Variants in TNFRSF9 observed in about 807,000 individuals in gnomAD.
TNFRSF9 encodes the protein TNF receptor superfamily member 9, also known as tumor necrosis factor receptor superfamily member 9.
Under a neutral mutation model 28.8 loss-of-function variants are expected in TNFRSF9, and 16 were observed. The ratio of observed to expected loss-of-function variants is 0.55; its 90% CI spans 0.38 to 0.84. The LOEUF (loss-of-function observed/expected upper bound fraction) is 0.84, where lower values mean the gene tolerates loss of function less well. Among genes scored for constraint, TNFRSF9 ranks in the 40% least tolerant of loss-of-function variants. The probability of loss-of-function intolerance (pLI) is 0.00; values close to 1 mark genes in which losing one functional copy is unlikely to be tolerated. For missense variants in TNFRSF9, 303 were observed against 315.0 expected (o/e 0.96, Z 0.29); for synonymous variants, 131 against 117.0 (o/e 1.12, Z -0.77).
chr1:7,935,019 C>G lies in TNFRSF9; in HGVS notation c.538G>C (p.Glu180Gln). Residue 180 changes from glutamate (E) to glutamine (Q), a missense_variant, in exon 6 of 8, where the codon GAG becomes CAG. Coordinates refer to ENST00000377507, the MANE Select transcript of TNFRSF9 (RefSeq NM_001561.6). ...SSVTPPAPAR[E>Q]PGHSPQIISF... ...AAAGGCATAGCCCAGTTACCTGGCT[C>G]TCTCGCAGGGGCAGGCGGGGTCACA... 6.2e-7 allele frequency: 1 copy of G among 1,614,166 alleles called. No individual in the cohort carries two copies. Among genetic ancestry groups the G allele is most frequent in the Non-Finnish European group, 8.5e-7 (1 of 1,180,004 alleles).
intron 6 of TNFRSF9, among the ~76,000 whole-genome samples, chr1:7,934,467 T>C (rs1203228144): frequency 6.6e-6 from 1 of 151,684 alleles, no homozygotes. Context: ...TCCCAGCACT[T>C]TGGGAGGCCG....
At chr1:7,934,108 G>T (rs1198225791) in intron 6 of TNFRSF9, among the ~76,000 whole-genome samples, 6 of 152,164 alleles carry the variant, frequency 3.9e-5, no homozygotes, top group Non-Finnish European at 8.8e-5. Context: ...AGGCGTGGCG[G>T]CTTATGCCTG....
intron 1 of TNFRSF9, among the ~76,000 whole-genome samples, chr1:7,940,353 T>C (rs888269921): frequency 2.6e-5 from 4 of 152,216 alleles, no homozygotes; most frequent in East Asian, 1.9e-4. Context: ...GCAAGAACTT[T>C]TGGGGACTTT....
chr1:7,932,656 C>T (rs1218829292), intron 7 of TNFRSF9, among the ~76,000 whole-genome samples: 1 of 151,796 alleles, frequency 6.6e-6, no homozygotes, highest in Non-Finnish European at 1.5e-5. Context: ...GTGTCCTCCA[C>T]ACGCACACAC....
In TNFRSF9 at chr1:7,934,486, G is replaced by A. The variant is rs138952114; in HGVS notation, c.544+527C>T. On this transcript the variant is annotated intron_variant, in intron 6 of 7. Coordinates refer to ENST00000377507, the MANE Select transcript of TNFRSF9 (RefSeq NM_001561.6). ...AGCACTTTGGGAGGCCGAGGTGGGC[G>A]GATCATGCGGTCAGGAGTTCAAGAC... Among the ~76,000 whole-genome samples, 687 of 152,150 alleles carry A rather than the reference G, an allele frequency of 4.5e-3. 7 individuals carry two copies. Among genetic ancestry groups the A allele is most frequent in the African/African-American group, 0.016 (650 of 41,530 alleles).
At chr1:7,925,374 G>T (rs552860280) in intron 7 of TNFRSF9, among the ~76,000 whole-genome samples, 32 of 152,160 alleles carry the variant, frequency 2.1e-4, no homozygotes, top group African/African-American at 7.5e-4. Context: ...ATTGAAGAAA[G>T]AGAACATTTT....
intron 7 of TNFRSF9, among the ~76,000 whole-genome samples, chr1:7,926,440 C>G (rs1400525097): frequency 1.3e-5 from 2 of 152,154 alleles, no homozygotes; most frequent in African/African-American, 4.8e-5. Flanking sequence ...ACACATTTCT[C>G]AGAACTACCC....
In TNFRSF9 at chr1:7,932,703, G is replaced by A. The variant is rs200871015; in HGVS notation, c.679+459C>T. ...CACGCACGCACGCGCACACACACAC[G>A]CACACACACACAGACACGCACACAC... On this transcript the variant is annotated intron_variant, in intron 7 of 7. Transcript: ENST00000377507. Among the ~76,000 whole-genome samples, 370 of 145,000 alleles carry A rather than the reference G, an allele frequency of 2.6e-3. 2 individuals carry two copies. Among genetic ancestry groups the A allele is most frequent in the African/African-American group, 9.2e-3 (350 of 38,026 alleles).
chr1:7,932,311 C>G (rs1557428058), intron 7 of TNFRSF9, among the ~76,000 whole-genome samples: 1 of 152,082 alleles, frequency 6.6e-6, no homozygotes, highest in Non-Finnish European at 1.5e-5. Context: ...ATGTCTCATC[C>G]TAATGTCCAT....
intron 5 of TNFRSF9, chr1:7,936,366 G>A (rs1344056073): frequency 4.5e-5 from 7 of 155,438 alleles, no homozygotes; most frequent in Non-Finnish European, 9.9e-5. Flanking sequence ...GCAGTGAGGC[G>A]AGACCGTGCC....
rs9657974 is a variant in TNFRSF9 at position 7,936,365 on chromosome 1, C to T, written c.414-1222G>A. On this transcript the variant is annotated intron_variant, in intron 5 of 7. Coordinates refer to ENST00000377507, the MANE Select transcript of TNFRSF9 (RefSeq NM_001561.6). Reference sequence around the variant, plus strand: ...CCAGGAGGCAGAGTTTGCAGTGAGGCGAGACCGTGCCATTGCACTCCAGCC... The same window carrying T: ...CCAGGAGGCAGAGTTTGCAGTGAGGTGAGACCGTGCCATTGCACTCCAGCC... The T allele has an allele frequency of 1.4e-4, 21 of 155,472 alleles. No homozygotes were observed. The South Asian group carries it at 1.8e-3, about 13-fold the overall frequency. 9.6% of individuals were successfully genotyped at this position (155,472 alleles called of 1,614,324 possible).
intron 7 of TNFRSF9, chr1:7,921,852 G>T (rs1639565186): frequency 6.6e-6 from 1 of 152,036 alleles, no homozygotes; most frequent in Non-Finnish European, 1.5e-5. Flanking sequence ...TGAATCTTAA[G>T]CATGAATCAC....
Position 7,938,812 on chromosome 1 carries a change from A to T in TNFRSF9, c.117T>A (p.Asn39Lys). ...AGGGACTGCAAATCTGATTCCTGTT[A>T]TTATCACAGAATGTACCTAAGAAAG... is the stretch of plus-strand genomic sequence containing the variant. ...SNCPAGTFCD[N>K]NRNQICSPCP... The change falls in exon 3 of 8, where the codon AAT becomes AAA. Residue 39 changes from asparagine to lysine, a missense_variant. Physicochemically the swap from Asn to Lys is moderately conservative, Grantham distance 94. Coordinates refer to ENST00000377507, the MANE Select transcript of TNFRSF9 (RefSeq NM_001561.6). 3 of 1,613,068 alleles carry T rather than the reference A, an allele frequency of 1.9e-6. No individual in the cohort carries two copies. The highest frequency in any genetic ancestry group is 2.5e-6 in the Non-Finnish European group (3 of 1,179,200).
intron 7 of TNFRSF9, among the ~76,000 whole-genome samples, chr1:7,921,561 C>T (rs964231825): frequency 6.6e-6 from 1 of 150,924 alleles, no homozygotes; most frequent in East Asian, 2.0e-4. Context: ...CCCAGCTACT[C>T]GGGAGGCTGA....
intron 7 of TNFRSF9, among the ~76,000 whole-genome samples, chr1:7,932,698 CACACGCACACACACACAG>C (rs1052849507): frequency 6.7e-5 from 10 of 150,234 alleles, no homozygotes; most frequent in East Asian, 2.0e-4. Flanking sequence ...CGCGCACACA[CACACGCACACACACACAG>C]ACACGCACAC....
At position 7,938,167 on chromosome 1, in the gene TNFRSF9, A is replaced by T. The variant is rs767278157; in HGVS notation, c.346+26T>A. 5 of 1,555,114 alleles carry T rather than the reference A, an allele frequency of 3.2e-6. No individual in the cohort carries two copies. The South Asian group carries it at 6.0e-5, about 19-fold the overall frequency. ...AAGTTTGTCTATGTCACAAAACTAC[A>T]CTAGATCAAAGAAACGCAAACGTAC... On this transcript the variant is annotated intron_variant, in intron 4 of 7. Transcript: ENST00000377507.
intron 7 of TNFRSF9, among the ~76,000 whole-genome samples, chr1:7,923,707 A>G (rs1639596076): frequency 6.6e-6 from 1 of 152,154 alleles, no homozygotes; most frequent in East Asian, 1.9e-4. Flanking sequence ...GGGTGGTGGC[A>G]CATGACTGTA....
intron 5 of TNFRSF9, among the ~76,000 whole-genome samples, chr1:7,936,831 T>C (rs1639822897): frequency 6.6e-6 from 1 of 152,226 alleles, no homozygotes; most frequent in Non-Finnish European, 1.5e-5. Flanking sequence ...TAAAAGTTTC[T>C]AAATGTTTAC....
intron 7 of TNFRSF9, among the ~76,000 whole-genome samples, chr1:7,924,219 T>G (rs1385846146): frequency 6.6e-6 from 1 of 151,090 alleles, no homozygotes; most frequent in Non-Finnish European, 1.5e-5. Flanking sequence ...TCCTTGACAA[T>G]GACAATAAAT....
Sources: gnomAD v4.1 joint callset for allele counts (sites outside exome capture counted in the v4.1 genomes callset) on GRCh38, gnomAD v4.1.1 for gene constraint, MANE v1.5 for transcripts, NCBI Gene and HGNC (gene_info 2026-07-23, HGNC 2026-07-21) for gene names.